IMMP2L: variants seen among roughly 807,000 people sequenced by gnomAD.
IMMP2L encodes the protein mitochondrial inner membrane protease subunit 2.
In IMMP2L, 18 loss-of-function variants were observed where a neutral mutation model predicts 19.3. The ratio of observed to expected loss-of-function variants is 0.93; its 90% confidence interval spans 0.64 to 1.38. The LOEUF (loss-of-function observed/expected upper bound fraction) is 1.38, where lower values mean the gene tolerates loss of function less well. Among genes scored for constraint, IMMP2L ranks in the 40% most tolerant of loss-of-function variants. The pLI is 0.00. For missense variants in IMMP2L, 233 were observed against 218.2 expected (o/e 1.07, Z -0.43); for synonymous variants, 76 against 73.0 (o/e 1.04, Z -0.21).
At chr7:111,368,109 T>C (rs1452834149) in intron 3 of IMMP2L, among the ~76,000 whole-genome samples, 1 of 151,818 alleles carries the variant, frequency 6.6e-6, no homozygotes, top group Non-Finnish European at 1.5e-5. Context: ...ATATTGAATA[T>C]GCTTATATGG....
At chr7:110,766,267 T>C (rs1798655155) in intron 5 of IMMP2L, among the ~76,000 whole-genome samples, 1 of 152,114 alleles carries the variant, frequency 6.6e-6, no homozygotes, top group Non-Finnish European at 1.5e-5. Context: ...TTGACTCCAA[T>C]CTGGAAAGGC....
chr7:111,281,061 CT>C (rs1453482337), intron 3 of IMMP2L, among the ~76,000 whole-genome samples: 2 of 141,950 alleles, frequency 1.4e-5, no homozygotes, highest in African/African-American at 5.4e-5. Flanking sequence ...CAGAGCGAGA[CT>C]CTGAGAAAAG....
intron 3 of IMMP2L, among the ~76,000 whole-genome samples, chr7:111,235,849 C>G (rs1394090825): frequency 6.6e-6 from 1 of 151,976 alleles, no homozygotes; most frequent in Admixed American, 6.6e-5. Flanking sequence ...CTACAGTTCA[C>G]TGATTGTCTC....
At chr7:111,371,364 AAAG>A (rs769851035) in intron 3 of IMMP2L, among the ~76,000 whole-genome samples, 4 of 152,038 alleles carry the variant, frequency 2.6e-5, no homozygotes, top group Non-Finnish European at 5.9e-5. Flanking sequence ...CTTTCTTAGA[AAAG>A]AAGATCTTAC....
intron 3 of IMMP2L, among the ~76,000 whole-genome samples, chr7:111,402,819 C>T (rs1217068606): frequency 1.3e-5 from 2 of 150,634 alleles, no homozygotes; most frequent in African/African-American, 2.5e-5. Context: ...TTCCTAATAC[C>T]TTCACAATGG....
chr7:111,303,658 G>A (rs1262053009), intron 3 of IMMP2L, among the ~76,000 whole-genome samples: 1 of 151,980 alleles, frequency 6.6e-6, no homozygotes, highest in Non-Finnish European at 1.5e-5. Context: ...GCAAAAACAA[G>A]GCAATTTTTC....
Position 110,727,339 on chromosome 7 carries a change from C to T in IMMP2L, c.409-63618G>A, listed in dbSNP as rs879500087. Among the ~76,000 whole-genome samples the T allele has an allele frequency of 4.6e-5, 7 of 152,056 alleles. No individual in the cohort carries two copies. In the East Asian group the frequency reaches 5.8e-4, roughly 13 times the overall value. ...CCAGGAGGTGGAAGTTGCAGTGAGC[C>T]GAGACTCTGCCACAGCACTCCAGCC... On this transcript the variant is annotated intron_variant, in intron 5 of 5. Transcript: ENST00000405709. The surrounding 1 kb of genome is among the most constrained non-coding windows in gnomAD (Gnocchi z 4.3).
At chr7:111,119,762 G>A (rs559645485) in intron 3 of IMMP2L, among the ~76,000 whole-genome samples, 18 of 152,194 alleles carry the variant, frequency 1.2e-4, no homozygotes, top group South Asian at 6.2e-4. Flanking sequence ...ATAATGCCCA[G>A]AAGATAGGAT....
intron 3 of IMMP2L, among the ~76,000 whole-genome samples, chr7:111,042,626 G>C (rs1019023834): frequency 1.3e-5 from 2 of 152,210 alleles, no homozygotes; most frequent in African/African-American, 4.8e-5. Flanking sequence ...CAGGGATATA[G>C]AGCAGGCCAT....
chr7:111,224,315 T>C (rs1426141904), intron 3 of IMMP2L, among the ~76,000 whole-genome samples: 3 of 152,100 alleles, frequency 2.0e-5, no homozygotes, highest in African/African-American at 2.4e-5. Context: ...TTGAAACAAA[T>C]AGATTAAGGA....
chr7:110,682,776 T>TA (rs774337486), intron 5 of IMMP2L, among the ~76,000 whole-genome samples: 22 of 152,182 alleles, frequency 1.4e-4, no homozygotes, highest in Non-Finnish European at 2.9e-4. Flanking sequence ...AAGTAGAACT[T>TA]AGAGATTCAG....
intron 3 of IMMP2L, among the ~76,000 whole-genome samples, chr7:111,117,722 G>A (rs1304531954): frequency 6.6e-6 from 1 of 152,034 alleles, no homozygotes; most frequent in African/African-American, 2.4e-5. Flanking sequence ...GTTAGATAGT[G>A]GGAGAATAGA....
At chr7:110,686,447 C>G (rs560921927) in intron 5 of IMMP2L, among the ~76,000 whole-genome samples, 2 of 152,000 alleles carry the variant, frequency 1.3e-5, no homozygotes, top group Non-Finnish European at 2.9e-5. Flanking sequence ...TATCCTTTCT[C>G]CTGATCTCCA....
At chr7:111,555,853 A>C (rs1791232131) in intron 1 of IMMP2L, among the ~76,000 whole-genome samples, 2 of 151,736 alleles carry the variant, frequency 1.3e-5, no homozygotes, top group South Asian at 4.2e-4. Context: ...GCTACTACCA[A>C]ATAAAACAAG....
chr7:111,373,843 G>A (rs75798394), intron 3 of IMMP2L, among the ~76,000 whole-genome samples: 8,057 of 152,034 alleles, frequency 0.053, 273 homozygotes, highest in South Asian at 0.08. Flanking sequence ...AAATACATCA[G>A]GGATTTAAAT....
chr7:111,292,855 C>T (rs971708466), intron 3 of IMMP2L, among the ~76,000 whole-genome samples: 6 of 151,908 alleles, frequency 3.9e-5, no homozygotes, highest in African/African-American at 1.4e-4. Context: ...TATATATATT[C>T]ATTATTTTAT....
intron 3 of IMMP2L, among the ~76,000 whole-genome samples, chr7:110,972,308 T>C (rs1820222257): frequency 6.6e-6 from 1 of 152,142 alleles, no homozygotes; most frequent in Non-Finnish European, 1.5e-5. Context: ...CAGAAAGTTT[T>C]TCTATATATT....
chr7:111,446,549 C>T (rs1488903095), intron 3 of IMMP2L, among the ~76,000 whole-genome samples: 2 of 151,228 alleles, frequency 1.3e-5, no homozygotes, highest in South Asian at 4.2e-4. Context: ...CACCGAAAAC[C>T]CATCTGTACA....
chr7:111,264,549 G>C lies in IMMP2L; in HGVS notation c.239+222689C>G, dbSNP rs1817642206. Among the ~76,000 whole-genome samples, 3 of 151,778 alleles carry C rather than the reference G, an allele frequency of 2.0e-5. No individual in the cohort carries two copies. In the South Asian group the frequency reaches 6.3e-4, roughly 32 times the overall value. ...TTTTCGCCCAACAGGAATCAAATCT[G>C]TGAATAGAGAATTTAAGGCTGGATA... On this transcript the variant is annotated intron_variant, in intron 3 of 5. Coordinates refer to ENST00000405709, the MANE Select transcript of IMMP2L (RefSeq NM_032549.4).
Sources: allele counts gnomAD v4.1 joint callset (sites outside exome capture counted in the v4.1 genomes callset), GRCh38; gene constraint gnomAD v4.1.1; non-coding constraint Gnocchi (gnomAD v3.1); transcripts MANE v1.5; gene names NCBI Gene and HGNC (gene_info 2026-07-23, HGNC 2026-07-21).